AVL9: variants seen among roughly 807,000 people sequenced by gnomAD.
AVL9 encodes the protein AVL9 cell migration associated.
A neutral mutation model predicts 79.2 loss-of-function variants in AVL9; 49 were observed. That is an observed-to-expected ratio of 0.62 (90% CI 0.49 to 0.79). The LOEUF is 0.79. Ranked by LOEUF, AVL9 falls within the 30% of genes least tolerant of loss-of-function variation. AVL9 has a pLI of 0.00. For missense variants in AVL9, 682 were observed against 776.8 expected (o/e 0.88, Z 1.45); for synonymous variants, 299 against 280.6 (o/e 1.07, Z -0.65).
intron 13 of AVL9, among the ~76,000 whole-genome samples, chr7:32,577,059 C>T (rs1448566436): frequency 6.6e-6 from 1 of 151,914 alleles, no homozygotes; most frequent in Non-Finnish European, 1.5e-5. Context: ...TAAGGCCAGG[C>T]ACAGTGGCTC....
chr7:32,501,496 G>A (rs1787123572), intron 1 of AVL9, among the ~76,000 whole-genome samples: 1 of 152,082 alleles, frequency 6.6e-6, no homozygotes, highest in African/African-American at 2.4e-5. Flanking sequence ...TTTGGTAGAT[G>A]GTTTTTCCTG....
chr7:32,497,292 T>G (rs952615597), intron 1 of AVL9, among the ~76,000 whole-genome samples: 6 of 151,802 alleles, frequency 4.0e-5, no homozygotes, highest in Non-Finnish European at 8.8e-5. Context: ...GAGGCAGAGG[T>G]TGCTGTGAGC....
Position 32,495,667 on chromosome 7 carries a change from C to T in AVL9, c.-43C>T. On this transcript the variant is annotated 5_prime_UTR_variant, in exon 1 of 16. Coordinates refer to ENST00000318709, the MANE Select transcript of AVL9 (RefSeq NM_015060.3). ...ACGGTGGGGTCGTCAGACCCGCTGCCCTTGGCGGTCGAAGTCGTCGTGCGG... is the reference window on the plus strand; with the variant it reads ...ACGGTGGGGTCGTCAGACCCGCTGCTCTTGGCGGTCGAAGTCGTCGTGCGG... 1 of 1,227,788 alleles carries T rather than the reference C, an allele frequency of 8.1e-7. No homozygotes were observed. The highest frequency in any genetic ancestry group is 1.0e-6 in the Non-Finnish European group (1 of 966,758). 76.1% of individuals were successfully genotyped at this position (1,227,788 alleles called of 1,614,324 possible).
intron 11 of AVL9, among the ~76,000 whole-genome samples, chr7:32,572,172 GA>G (rs72492692): frequency 0.24 from 33,468 of 141,188 alleles, 5,046 homozygotes; most frequent in African/African-American, 0.37. Flanking sequence ...AAAAAAAAAA[GA>G]AAAAAAAAAA....
intron 12 of AVL9, among the ~76,000 whole-genome samples, chr7:32,574,961 T>C (rs1394223025): frequency 1.3e-5 from 2 of 152,302 alleles, no homozygotes; most frequent in African/African-American, 2.4e-5. Flanking sequence ...TATGAAGTAA[T>C]AGCCATTTGT....
chr7:32,552,107 A>T, intron 5 of AVL9, 122 bp from the exon 6 acceptor site: 1 of 632,464 alleles, frequency 1.6e-6, no homozygotes, highest in African/African-American at 1.9e-5. Flanking sequence ...ATTGTTTTTA[A>T]ATTTAGCGCC....
intron 4 of AVL9, 134 bp downstream of exon 4, chr7:32,549,052 CT>C: frequency 2.1e-6 from 1 of 481,774 alleles, no homozygotes; most frequent in Non-Finnish European, 3.4e-6. Context: ...TCTCCTCATT[CT>C]CTTTCCCTTT....
In AVL9 at chr7:32,579,385, CAT is replaced by C. The variant is rs1358588820; in HGVS notation, c.1689-831_1689-830del. On this transcript the variant is annotated intron_variant, in intron 13 of 15. Coordinates refer to ENST00000318709, the MANE Select transcript of AVL9 (RefSeq NM_015060.3). ...AACATATATAATATATGTTATATAA[CAT>C]ATTATATGTTATATATTATATATAA... Among the ~76,000 whole-genome samples, 37 of 9,966 alleles carry C rather than the reference CAT, an allele frequency of 3.7e-3. 10 individuals carry two copies. Among genetic ancestry groups the C allele is most frequent in the Non-Finnish European group, 5.3e-3 (34 of 6,362 alleles). 6.5% of individuals were successfully genotyped at this position (9,966 alleles called of 152,430 possible). A position where few individuals can be genotyped will look rare whatever the true frequency, so the allele number is the denominator to read the frequency against.
chr7:32,517,051 A>T (rs988635015), intron 1 of AVL9, among the ~76,000 whole-genome samples: 1 of 152,052 alleles, frequency 6.6e-6, no homozygotes, highest in Non-Finnish European at 1.5e-5. Context: ...GTATTCAACC[A>T]TTTCGTTTTT....
At chr7:32,580,774 C>T in intron 14 of AVL9, 28 bp from the exon 15 acceptor site, 1 of 1,563,210 alleles carries the variant, frequency 6.4e-7, no homozygotes, top group Non-Finnish European at 8.8e-7. Flanking sequence ...TTGTACCTAA[C>T]ACTTCTTTTA....
intron 1 of AVL9, among the ~76,000 whole-genome samples, chr7:32,501,109 G>A (rs182333008): frequency 1.8e-3 from 272 of 152,326 alleles, no homozygotes; most frequent in African/African-American, 6.0e-3. Context: ...TCTCCATGGG[G>A]TAGCAGAATG....
At chr7:32,568,335 G>A (rs1023657725) in intron 10 of AVL9, among the ~76,000 whole-genome samples, 3 of 151,818 alleles carry the variant, frequency 2.0e-5, no homozygotes, top group Middle Eastern at 3.2e-3. Context: ...CAAGTAGCTG[G>A]GATTACAGGT....
At chr7:32,582,287 G>A (rs1791546446) in intron 15 of AVL9, among the ~76,000 whole-genome samples, 1 of 152,158 alleles carries the variant, frequency 6.6e-6, no homozygotes, top group Non-Finnish European at 1.5e-5. Context: ...TTGACTAACC[G>A]TTACTGAACA....
intron 4 of AVL9, among the ~76,000 whole-genome samples, chr7:32,550,822 T>G (rs1485322469): frequency 6.6e-6 from 1 of 152,100 alleles, no homozygotes; most frequent in Non-Finnish European, 1.5e-5. Flanking sequence ...CAAATAGATA[T>G]AAAAACAAGC....
rs1002249866 is a variant in AVL9 at position 32,570,214 on chromosome 7, C to T, written c.1350+60C>T. ...GCTCATCCCAGTTTTCCTTTCTTAA[C>T]TACAATTATGAATACATAGTAACAA... On this transcript the variant is annotated intron_variant, in intron 11 of 15. Coordinates refer to ENST00000318709, the MANE Select transcript of AVL9 (RefSeq NM_015060.3). The T allele has an allele frequency of 1.1e-5, 17 of 1,597,594 alleles. No individual in the cohort carries two copies. In the African/African-American group the frequency reaches 2.3e-4, roughly 21 times the overall value.
intron 7 of AVL9, 115 bp from the exon 8 acceptor site, chr7:32,554,442 CT>C (rs1562784849): frequency 2.1e-6 from 1 of 473,162 alleles, no homozygotes; most frequent in African/African-American, 2.0e-5. Flanking sequence ...TTTTCATGTA[CT>C]TTTTAAAGTG....
At chr7:32,497,021 G>A (rs532717629) in intron 1 of AVL9, among the ~76,000 whole-genome samples, 592 of 152,306 alleles carry the variant, frequency 3.9e-3, no homozygotes, top group Non-Finnish European at 6.5e-3. Flanking sequence ...CATCGCTTGA[G>A]CCCAGGAGGC....
At chr7:32,547,757 G>C (rs915974103) in intron 3 of AVL9, among the ~76,000 whole-genome samples, 1 of 152,206 alleles carries the variant, frequency 6.6e-6, no homozygotes, top group Non-Finnish European at 1.5e-5. Flanking sequence ...ATGAAGATAA[G>C]ACAGTGGATG....
rs941499154 is a variant in AVL9 at position 32,495,899 on chromosome 7, A to G, written c.93+97A>G. 5.2e-6 allele frequency: 4 copies of G among 768,232 alleles called. No individual in the cohort carries two copies. In the African/African-American group the frequency reaches 7.3e-5, roughly 14 times the overall value. The allele number at this position is 768,232 out of a possible 1,614,324, so 47.6% of individuals were successfully genotyped here. A position where few individuals can be genotyped will look rare whatever the true frequency, so the allele number is the denominator to read the frequency against. ...TCTGTGTGCTCAGCTCGCGTCGTGC[A>G]GTCCTCCCCACAGCGCCTGCGACCC... On this transcript the variant is annotated intron_variant, in intron 1 of 15. Transcript: ENST00000318709.
Sources: allele counts gnomAD v4.1 joint callset (sites outside exome capture counted in the v4.1 genomes callset), GRCh38; gene constraint gnomAD v4.1.1; transcripts MANE v1.5; gene names NCBI Gene and HGNC (gene_info 2026-07-23, HGNC 2026-07-21).